Variants in CACNA1H observed in about 807,000 individuals in gnomAD.
CACNA1H encodes voltage-dependent T-type calcium channel subunit alpha-1H.
A neutral mutation model predicts 192.5 loss-of-function variants in CACNA1H; 149 were observed. That is an observed-to-expected ratio of 0.77 (90% CI 0.68 to 0.89). The LOEUF is 0.89. Among genes scored for constraint, CACNA1H ranks in the 40% least tolerant of loss-of-function variants. The probability of loss-of-function intolerance (pLI) is 0.00; values close to 1 mark genes in which losing one functional copy is unlikely to be tolerated. For synonymous variants in CACNA1H, 2,202 were observed against 1,475.2 expected, an observed-to-expected ratio of 1.49 and a Z score of -11.29; for missense variants, 4,257 against 3,423.5, an observed-to-expected ratio of 1.24 and a Z score of -6.08.
chr16:1,207,475 A>G, intron 14 of CACNA1H, 45 bp downstream of exon 14: 3 of 1,591,736 alleles, frequency 1.9e-6, no homozygotes, highest in Non-Finnish European at 2.6e-6. Context: ...GGCGATGAGA[A>G]GAGAGACGGG....
rs375274586 is a variant in CACNA1H at position 1,200,426 on chromosome 16, C to T, written c.974C>T (p.Pro325Leu). The stretch of plus-strand genomic sequence containing the variant: ...CTGGGCTGGGAGGCCTACACGCAGC[C>T]GCAGGCCGAGGGGGTGGGCGCTGCA... ...CTLGWEAYTQ[P>L]QAEGVGAARN... Residue 325 changes from proline to leucine, a missense_variant, in exon 7 of 35, where the codon CCG (proline) becomes CTG (leucine). By Grantham distance (98) the Pro-to-Leu change is moderately conservative. Transcript: ENST00000348261. 22 of 1,609,750 alleles carry T rather than the reference C, an allele frequency of 1.4e-5. No homozygotes were observed. The highest frequency in any genetic ancestry group is 1.6e-5 in the Non-Finnish European group (19 of 1,179,316).
intron 12 of CACNA1H, 75 bp from the exon 13 acceptor site, chr16:1,206,926 C>CCCA: frequency 4.6e-6 from 1 of 216,352 alleles, no homozygotes; most frequent in South Asian, 7.0e-5. Context: ...TCCCACCCCC[C>CCCA]TCCCGCTCCC....
In CACNA1H at chr16:1,180,939, T is replaced by C. The variant is rs1156340536; in HGVS notation, c.300-14033T>C. Among the ~76,000 whole-genome samples the C allele has an allele frequency of 6.6e-6, 1 of 152,188 alleles. No individual in the cohort carries two copies. The highest frequency in any genetic ancestry group is 1.5e-5 in the Non-Finnish European group (1 of 68,006). On this transcript the variant is annotated intron_variant, in intron 2 of 34. Transcript: ENST00000348261. This position sits in a 1 kb window ranked among gnomAD's most constrained non-coding sequence, Gnocchi z 4.4. ...CCCCGTCTTCCCGCAGGAAAGCGCC[T>C]TGGCGGGACTGCTTCCGCCAGCTTC...
At chr16:1,178,383 A>G (rs541402235) in intron 2 of CACNA1H, among the ~76,000 whole-genome samples, 6 of 144,908 alleles carry the variant, frequency 4.1e-5, no homozygotes, top group Non-Finnish European at 7.5e-5. Context: ...CCCACCCCCG[A>G]GTCCCCATAT....
chr16:1,204,542 A>G, intron 10 of CACNA1H, 84 bp downstream of exon 10: 1 of 1,082,450 alleles, frequency 9.2e-7, no homozygotes, highest in Non-Finnish European at 1.3e-6. Flanking sequence ...AGCAGCCCCG[A>G]TGCCTGACCT....
chr16:1,219,168 G>A, intron 34 of CACNA1H, 38 bp downstream of exon 34: 2 of 1,484,940 alleles, frequency 1.3e-6, no homozygotes, highest in African/African-American at 2.8e-5. Context: ...AGGCTGGCGG[G>A]GATGGGGGGC....
chr16:1,204,222 C>A lies in CACNA1H; in HGVS notation c.2215C>A (p.Arg739Ser). 1 of 1,611,702 alleles carries A rather than the reference C, an allele frequency of 6.2e-7. No homozygotes were observed. The highest frequency in any genetic ancestry group is 1.1e-5 in the South Asian group (1 of 90,948). Residue 739 changes from arginine (R) to serine (S), a missense_variant, in exon 10 of 35, where the codon CGC becomes AGC. Arg to Ser is a moderately radical substitution (Grantham distance 110). Transcript: ENST00000348261. ...EFTQDVRHGD[R>S]WDPTRPPRAT... ...CACGCAGGACGTCCGGCACGGTGAC[C>A]GCTGGGACCCCACGCGACCACCCCG...
intron 2 of CACNA1H, among the ~76,000 whole-genome samples, chr16:1,191,843 T>C (rs917274907): frequency 2.1e-4 from 30 of 145,780 alleles, no homozygotes; most frequent in Non-Finnish European, 3.5e-4. Flanking sequence ...GGCCTGGTTG[T>C]GTGGCCTCAG....
intron 2 of CACNA1H, among the ~76,000 whole-genome samples, chr16:1,189,520 G>C (rs1422156386): frequency 6.8e-6 from 1 of 146,374 alleles, no homozygotes; most frequent in Non-Finnish European, 1.5e-5. Flanking sequence ...GGGGTCAAGC[G>C]ATCCTCCCAC....
At chr16:1,201,390 C>A (rs925958336) in intron 8 of CACNA1H, among the ~76,000 whole-genome samples, 2 of 152,150 alleles carry the variant, frequency 1.3e-5, no homozygotes, top group African/African-American at 4.8e-5. Context: ...AAGGCCAGAT[C>A]TGCAGGTAAA....
intron 2 of CACNA1H, among the ~76,000 whole-genome samples, chr16:1,154,558 C>T (rs1962046857): frequency 6.6e-6 from 1 of 152,080 alleles, no homozygotes; most frequent in African/African-American, 2.4e-5. Flanking sequence ...GCCGCCAGGG[C>T]CTTTTCCGTG....
In CACNA1H at chr16:1,153,753, C is replaced by A. The variant is rs1257574455; in HGVS notation, c.16C>A (p.Arg6=). The A allele has an allele frequency of 7.4e-6, 9 of 1,212,626 alleles. No individual in the cohort carries two copies. Among genetic ancestry groups the A allele is most frequent in the East Asian group, 3.5e-5 (1 of 28,604 alleles). 75.1% of individuals were successfully genotyped at this position (1,212,626 alleles called of 1,614,324 possible). A position where few individuals can be genotyped will look rare whatever the true frequency, so the allele number is the denominator to read the frequency against. The change falls in exon 2 of 35, where the codon CGG becomes AGG. Residue 6 remains arginine, a synonymous_variant. Coordinates refer to ENST00000348261, the MANE Select transcript of CACNA1H (RefSeq NM_021098.3). MTEGA[R]AADEVRVPLG... ...GGCCGCCACCATGACCGAGGGCGCACGGGCCGCCGACGAGGTCCGGGTGCC... is the reference window on the plus strand; with the variant it reads ...GGCCGCCACCATGACCGAGGGCGCAAGGGCCGCCGACGAGGTCCGGGTGCC...
chr16:1,212,512 C>G lies in CACNA1H; in HGVS notation c.4761C>G (p.Ser1587Arg). Residue 1587 changes from serine to arginine, a missense_variant and splice_region_variant, in exon 26 of 35, where the codon AGC becomes AGG. Ser to Arg is a moderately radical substitution (Grantham distance 110, BLOSUM62 -1). Coordinates refer to ENST00000348261, the MANE Select transcript of CACNA1H (RefSeq NM_021098.3). ...CAGACCATCTCCTTGTCTTTCCAGGCACTTTCCCCAGCCCAGGTACCGGCC... is the reference window on the plus strand; with the variant it reads ...CAGACCATCTCCTTGTCTTTCCAGGGACTTTCCCCAGCCCAGGTACCGGCC... ...RLRRLERRRR[S>R]TFPSPEAQRR... The G allele has an allele frequency of 6.2e-7, 1 of 1,611,094 alleles. No individual in the cohort carries two copies. Among genetic ancestry groups the G allele is most frequent in the Non-Finnish European group, 8.5e-7 (1 of 1,179,128 alleles).
chr16:1,158,757 C>T (rs1192357530), intron 2 of CACNA1H, among the ~76,000 whole-genome samples: 1 of 152,110 alleles, frequency 6.6e-6, no homozygotes, highest in Non-Finnish European at 1.5e-5. Flanking sequence ...AACGAGTTTG[C>T]CGAGAGAGCT....
intron 2 of CACNA1H, among the ~76,000 whole-genome samples, chr16:1,186,852 T>G (rs1159225010): frequency 6.6e-6 from 1 of 152,134 alleles, no homozygotes; most frequent in African/African-American, 2.4e-5. Context: ...CCGGCAGACT[T>G]CAGGGCGGTC....
rs761167931 is a variant in CACNA1H at position 1,198,640 on chromosome 16, G to A, written c.669G>A (p.Leu223=). Residue 223 remains leucine, a synonymous_variant, in exon 6 of 35, where the codon CTG becomes CTA. Transcript: ENST00000348261. Reference sequence around the variant, plus strand: ...GCATGCGGATCCTGGTCACTCTGCTGCTGGATACGCTGCCCATGCTCGGGA... The same window carrying A: ...GCATGCGGATCCTGGTCACTCTGCTACTGGATACGCTGCCCATGCTCGGGA... The part of the protein sequence containing the change: ...VPSMRILVTL[L]LDTLPMLGNV... 4 of 1,613,308 alleles carry A rather than the reference G, an allele frequency of 2.5e-6. No individual in the cohort carries two copies. Among genetic ancestry groups the A allele is most frequent in the Admixed American group, 3.3e-5 (2 of 60,008 alleles).
chr16:1,183,172 C>T (rs1247154318), intron 2 of CACNA1H, among the ~76,000 whole-genome samples: 2 of 152,088 alleles, frequency 1.3e-5, no homozygotes, highest in Non-Finnish European at 2.9e-5. Context: ...GAACCCGGTA[C>T]CCTCCACCCC....
At chr16:1,189,928 G>A (rs925901845) in intron 2 of CACNA1H, among the ~76,000 whole-genome samples, 1 of 152,244 alleles carries the variant, frequency 6.6e-6, no homozygotes, top group African/African-American at 2.4e-5. Flanking sequence ...ATGTCATCCA[G>A]GCCAGACTCC....
intron 14 of CACNA1H, 48 bp downstream of exon 14, chr16:1,207,478 G>A (rs755162316): frequency 1.3e-6 from 2 of 1,589,966 alleles, no homozygotes; most frequent in East Asian, 4.5e-5. Flanking sequence ...GATGAGAAGA[G>A]AGACGGGCTT....
Sources: gnomAD v4.1 joint callset for allele counts (sites outside exome capture counted in the v4.1 genomes callset) on GRCh38, gnomAD v4.1.1 for gene constraint, Gnocchi (gnomAD v3.1) non-coding constraint, MANE v1.5 for transcripts, NCBI Gene and HGNC (gene_info 2026-07-23, HGNC 2026-07-21) for gene names.